SCAF4: variants seen among roughly 807,000 people sequenced by gnomAD.
SCAF4 encodes SR-related and CTD-associated factor 4.
In SCAF4, 25 loss-of-function variants were observed where a neutral mutation model predicts 129.8. That is an observed-to-expected ratio of 0.19 (90% CI 0.14 to 0.27). SCAF4 has a LOEUF of 0.27. Ranked by LOEUF, SCAF4 falls within the 10% of genes least tolerant of loss-of-function variation. The probability of loss-of-function intolerance (pLI) is 1.00; values close to 1 mark genes in which losing one functional copy is unlikely to be tolerated. For synonymous variants in SCAF4, 551 were observed against 497.7 expected (o/e 1.11, Z -1.43); for missense variants, 1,246 against 1,457.1 (o/e 0.86, Z 2.36).
chr21:31,702,585 G>C (rs2050560764), intron 4 of SCAF4, among the ~76,000 whole-genome samples: 1 of 151,904 alleles, frequency 6.6e-6, no homozygotes. Context: ...GTAAGGAACA[G>C]AGATGGACTA....
At chr21:31,689,777 C>T (rs192540850) in intron 15 of SCAF4, among the ~76,000 whole-genome samples, 100 of 150,850 alleles carry the variant, frequency 6.6e-4, no homozygotes, top group African/African-American at 2.4e-3. Flanking sequence ...AAAAAAAATA[C>T]CAAAAAAATT....
At chr21:31,675,534 G>C (rs926534425) in intron 19 of SCAF4, among the ~76,000 whole-genome samples, 2 of 152,186 alleles carry the variant, frequency 1.3e-5, no homozygotes, top group Non-Finnish European at 2.9e-5. Flanking sequence ...TGCCTTAACT[G>C]AGCGGATGCA....
chr21:31,671,030 A>C lies in SCAF4; in HGVS notation c.*369T>G, dbSNP rs2049673799. On this transcript the variant is annotated 3_prime_UTR_variant, in exon 20 of 20. Coordinates refer to ENST00000286835, the MANE Select transcript of SCAF4 (RefSeq NM_020706.2). ...AGTGTAGGAAGAATAGCACACATTA[A>C]AGTTTGTTACGAAAATAGAGTTTAT... is the stretch of plus-strand genomic sequence containing the variant. 5.3e-6 allele frequency: 1 copy of C among 187,734 alleles called. No homozygotes were observed. The highest frequency in any genetic ancestry group is 1.3e-4 in the South Asian group (1 of 7,828). 11.6% of individuals were successfully genotyped at this position (187,734 alleles called of 1,614,324 possible). A position where few individuals can be genotyped will look rare whatever the true frequency, so the allele number is the denominator to read the frequency against.
intron 3 of SCAF4, 33 bp from the exon 4 acceptor site, chr21:31,703,959 A>C: frequency 7.2e-7 from 1 of 1,391,572 alleles, no homozygotes; most frequent in Non-Finnish European, 9.7e-7. Flanking sequence ...TCAGTACAGA[A>C]AAAGCAAAGT....
At chr21:31,705,561 CTAAA>C in intron 2 of SCAF4, 94 bp from the exon 3 acceptor site, 2 of 479,132 alleles carry the variant, frequency 4.2e-6, no homozygotes, top group Non-Finnish European at 7.3e-6. Context: ...TCTATACAAT[CTAAA>C]TATTATCAAT....
chr21:31,682,243 G>A (rs1013080537), intron 19 of SCAF4, among the ~76,000 whole-genome samples: 1 of 152,124 alleles, frequency 6.6e-6, no homozygotes, highest in Non-Finnish European at 1.5e-5. Flanking sequence ...GCTGGGCGTG[G>A]TGGCACGCGC....
intron 19 of SCAF4, among the ~76,000 whole-genome samples, chr21:31,674,373 T>C (rs1032857397): frequency 2.6e-5 from 4 of 152,230 alleles, no homozygotes; most frequent in Admixed American, 1.3e-4. Flanking sequence ...GGGATTTGCT[T>C]AAAACATTAT....
chr21:31,726,747 C>T (rs1568870354), intron 1 of SCAF4, among the ~76,000 whole-genome samples: 3 of 152,258 alleles, frequency 2.0e-5, no homozygotes, highest in African/African-American at 7.2e-5. Context: ...CACCAGGAGA[C>T]ATGTTTGAAA....
intron 1 of SCAF4, among the ~76,000 whole-genome samples, chr21:31,716,197 G>A (rs1177278429): frequency 6.6e-6 from 1 of 151,736 alleles, no homozygotes; most frequent in Admixed American, 6.6e-5. Flanking sequence ...CTTTCTTTTC[G>A]AAACCTAAAC....
intron 7 of SCAF4, 21 bp from the exon 8 acceptor site, chr21:31,696,771 T>C (rs1221277128): frequency 6.3e-7 from 1 of 1,582,476 alleles, no homozygotes; most frequent in South Asian, 1.1e-5. Context: ...TATGTCAATA[T>C]TTCATTTTAA....
intron 14 of SCAF4, 71 bp from the exon 15 acceptor site, chr21:31,691,024 T>G: frequency 1.1e-5 from 15 of 1,314,234 alleles, no homozygotes; most frequent in Non-Finnish European, 1.6e-5. Context: ...TATTATTCTC[T>G]ATCATTCTAT....
intron 1 of SCAF4, among the ~76,000 whole-genome samples, chr21:31,712,625 T>G (rs1317965573): frequency 6.7e-6 from 1 of 149,854 alleles, no homozygotes; most frequent in African/African-American, 2.5e-5. Context: ...GCCTCCCCGG[T>G]TTAAGTGACT....
intron 7 of SCAF4, among the ~76,000 whole-genome samples, chr21:31,700,528 T>A (rs1356743518): frequency 6.6e-6 from 1 of 152,090 alleles, no homozygotes; most frequent in African/African-American, 2.4e-5. Context: ...AGTAAAAATG[T>A]AGATCTAAAT....
chr21:31,727,900 A>AT (rs1289241216), intron 1 of SCAF4, among the ~76,000 whole-genome samples: 2 of 145,092 alleles, frequency 1.4e-5, no homozygotes, highest in Admixed American at 7.1e-5. Context: ...ATTAGCCATA[A>AT]TTGATAACTG....
intron 1 of SCAF4, among the ~76,000 whole-genome samples, chr21:31,728,697 CT>C (rs34587046): frequency 1.3e-5 from 2 of 151,954 alleles, no homozygotes; most frequent in African/African-American, 4.8e-5. Flanking sequence ...ATATTAATTC[CT>C]TTTTCTCCCC....
chr21:31,707,318 A>C (rs1433784806), intron 1 of SCAF4, among the ~76,000 whole-genome samples: 2 of 152,164 alleles, frequency 1.3e-5, no homozygotes, highest in East Asian at 3.9e-4. Flanking sequence ...GCATCACTGC[A>C]CTCCAGCCTG....
At chr21:31,698,206 T>C (rs1472352142) in intron 7 of SCAF4, among the ~76,000 whole-genome samples, 1 of 152,224 alleles carries the variant, frequency 6.6e-6, no homozygotes, top group Non-Finnish European at 1.5e-5. Context: ...GAAATTTTAG[T>C]TGCTTTTTAG....
At chr21:31,684,991 T>C (rs1432684388) in intron 19 of SCAF4, 58 bp downstream of exon 19, 54 of 426,058 alleles carry the variant, frequency 1.3e-4, no homozygotes, top group Middle Eastern at 6.1e-4. Flanking sequence ...TGGGGATGGG[T>C]GGGGGGGTGG....
chr21:31,714,635 G>A (rs571499081), intron 1 of SCAF4, among the ~76,000 whole-genome samples: 5 of 152,280 alleles, frequency 3.3e-5, no homozygotes, highest in African/African-American at 1.2e-4. Context: ...TGTGATACCT[G>A]CAGAATTCAC....
Sources: allele counts gnomAD v4.1 joint callset (sites outside exome capture counted in the v4.1 genomes callset), GRCh38; gene constraint gnomAD v4.1.1; transcripts MANE v1.5; gene names NCBI Gene and HGNC (gene_info 2026-07-23, HGNC 2026-07-21).